Variants in LINGO2 observed in about 807,000 individuals in gnomAD.
LINGO2 encodes the protein leucine rich repeat and Ig domain containing 2.
LINGO2 carries 14 observed loss-of-function variants against 30.6 expected under a neutral mutation model. The ratio of observed to expected loss-of-function variants is 0.46; its 90% CI spans 0.30 to 0.72. LINGO2 has a LOEUF of 0.72. Ranked by LOEUF, LINGO2 falls within the 30% of genes least tolerant of loss-of-function variation. The pLI is 0.07. For synonymous variants in LINGO2, 317 were observed against 288.5 expected (o/e 1.10, Z -1.00); for missense variants, 729 against 751.7 (o/e 0.97, Z 0.35).
the LINGO2 span, among the ~76,000 whole-genome samples, chr9:29,182,089 G>C: frequency 6.6e-6 from 1 of 152,056 alleles, no homozygotes; most frequent in Admixed American, 6.6e-5. Flanking sequence ...AAAATAAATA[G>C]AAAGATGAAT....
At chr9:28,109,066 C>A (rs1826688935) in intron 4 of LINGO2, among the ~76,000 whole-genome samples, 1 of 152,238 alleles carries the variant, frequency 6.6e-6, no homozygotes, top group Non-Finnish European at 1.5e-5. Flanking sequence ...TCAGCTTCAT[C>A]TCTGGTATAC....
chr9:28,370,894 A>G (rs1564155914), intron 3 of LINGO2, among the ~76,000 whole-genome samples: 2 of 152,224 alleles, frequency 1.3e-5, no homozygotes, highest in East Asian at 3.8e-4. Context: ...GATTAAAATG[A>G]ATAATAGTTG....
chr9:28,528,558 C>T (rs2135421187), intron 1 of LINGO2, among the ~76,000 whole-genome samples: 1 of 152,224 alleles, frequency 6.6e-6, no homozygotes, highest in African/African-American at 2.4e-5. Context: ...TCTAATTGAA[C>T]ACTGCTTACA....
intron 5 of LINGO2, among the ~76,000 whole-genome samples, chr9:27,989,918 T>C (rs1027501620): frequency 1.3e-5 from 2 of 152,002 alleles, no homozygotes; most frequent in Non-Finnish European, 2.9e-5. Context: ...TTAACAATAG[T>C]TGGACTAAGC....
At chr9:28,820,108 G>A in the LINGO2 span, among the ~76,000 whole-genome samples, 1 of 152,230 alleles carries the variant, frequency 6.6e-6, no homozygotes, top group African/African-American at 2.4e-5. Context: ...CTAAGAACAG[G>A]TAAGACTAAA....
In LINGO2 at chr9:28,383,239, A is replaced by T. The variant is rs1821424196; in HGVS notation, c.-278-10371T>A. On this transcript the variant is annotated intron_variant, in intron 2 of 5. Coordinates refer to ENST00000379992, the Ensembl canonical transcript of LINGO2. ...CTTTCATTTCTAAAATTGAAACACTATAGATCACCATTCATTGTGTGTGTG... is the reference window on the plus strand; with the variant it reads ...CTTTCATTTCTAAAATTGAAACACTTTAGATCACCATTCATTGTGTGTGTG... Among the ~76,000 whole-genome samples the T allele has an allele frequency of 2.8e-5, 4 of 142,404 alleles. No individual in the cohort carries two copies. In the Admixed American group the frequency reaches 3.0e-4, roughly 11 times the overall value. 93.4% of individuals were successfully genotyped at this position (142,404 alleles called of 152,430 possible).
intron 5 of LINGO2, among the ~76,000 whole-genome samples, chr9:28,004,427 G>A (rs1024692681): frequency 1.3e-5 from 2 of 152,060 alleles, no homozygotes; most frequent in African/African-American, 4.8e-5. Flanking sequence ...AAAGTTAATT[G>A]AATTGCATTG....
the LINGO2 span, among the ~76,000 whole-genome samples, chr9:28,719,656 C>G: frequency 6.6e-6 from 1 of 151,962 alleles, no homozygotes; most frequent in Non-Finnish European, 1.5e-5. Context: ...ATTGAAAATT[C>G]ATTCTTCTTC....
the LINGO2 span, among the ~76,000 whole-genome samples, chr9:28,750,367 C>A: frequency 6.6e-5 from 10 of 152,072 alleles, no homozygotes; most frequent in African/African-American, 2.4e-5. Flanking sequence ...AGTCCTAAGC[C>A]AAACTTTGGT....
chr9:29,087,919 A>C, the LINGO2 span, among the ~76,000 whole-genome samples: 1 of 152,140 alleles, frequency 6.6e-6, no homozygotes, highest in Non-Finnish European at 1.5e-5. Flanking sequence ...TACCTACCTC[A>C]TAAAGATTAA....
intron 4 of LINGO2, among the ~76,000 whole-genome samples, chr9:28,277,259 C>G (rs1201939694): frequency 1.3e-5 from 2 of 152,046 alleles, no homozygotes; most frequent in Non-Finnish European, 2.9e-5. Flanking sequence ...GTGATCGATG[C>G]TTTATTATGT....
chr9:28,102,411 T>C (rs1826444791), intron 4 of LINGO2, among the ~76,000 whole-genome samples: 1 of 152,034 alleles, frequency 6.6e-6, no homozygotes, highest in Non-Finnish European at 1.5e-5. Flanking sequence ...AAAAGATGAA[T>C]TCATTTAAGA....
At chr9:28,120,717 C>T (rs1827071199) in intron 4 of LINGO2, among the ~76,000 whole-genome samples, 1 of 152,018 alleles carries the variant, frequency 6.6e-6, no homozygotes, top group Non-Finnish European at 1.5e-5. Flanking sequence ...AGTGTAGTTC[C>T]TTGTTAAATT....
chr9:28,565,366 T>G (rs1823319772), intron 1 of LINGO2, among the ~76,000 whole-genome samples: 1 of 150,974 alleles, frequency 6.6e-6, no homozygotes, highest in African/African-American at 2.4e-5. Context: ...TTTTTGTACT[T>G]TTTAGTAGAG....
the LINGO2 span, among the ~76,000 whole-genome samples, chr9:28,869,376 G>A: frequency 0.016 from 2,373 of 152,064 alleles, 66 homozygotes; most frequent in African/African-American, 0.053. Context: ...CAAAAGAGAC[G>A]AAGCCTGACT....
At chr9:28,786,813 A>C in the LINGO2 span, among the ~76,000 whole-genome samples, 16 of 152,288 alleles carry the variant, frequency 1.1e-4, no homozygotes, top group African/African-American at 3.6e-4. Context: ...TACTTCTAGA[A>C]GTAATAGAAA....
At chr9:28,541,871 AT>A (rs1249480258) in intron 1 of LINGO2, among the ~76,000 whole-genome samples, 1 of 152,132 alleles carries the variant, frequency 6.6e-6, no homozygotes, top group Non-Finnish European at 1.5e-5. Context: ...CTGAAGTAAG[AT>A]ATATTGGAAA....
chr9:29,178,212 C>T, the LINGO2 span, among the ~76,000 whole-genome samples: 25,585 of 151,796 alleles, frequency 0.17, 2,291 homozygotes, highest in East Asian at 0.38. Context: ...TGCACCAGCA[C>T]GCCCAGCTAT....
intron 4 of LINGO2, among the ~76,000 whole-genome samples, chr9:28,193,924 A>C (rs1392601861): frequency 6.6e-6 from 1 of 152,196 alleles, no homozygotes; most frequent in African/African-American, 2.4e-5. Context: ...AGGCAGTCAT[A>C]CTGCTCATAC....
Sources: gnomAD v4.1 joint callset for allele counts (sites outside exome capture counted in the v4.1 genomes callset) on GRCh38, gnomAD v4.1.1 for gene constraint, MANE v1.5 for transcripts, NCBI Gene and HGNC (gene_info 2026-07-23, HGNC 2026-07-21) for gene names.